DIXDC1: variants seen among roughly 807,000 people sequenced by gnomAD.
The protein encoded by DIXDC1 is DIX domain containing 1, also known as dixin.
Under a neutral mutation model 103.1 loss-of-function variants are expected in DIXDC1, and 64 were observed. The observed-to-expected ratio is 0.62, with a 90% CI of 0.51 to 0.76. The LOEUF (loss-of-function observed/expected upper bound fraction) is 0.76. Among genes scored for constraint, DIXDC1 ranks in the 30% least tolerant of loss-of-function variants. The pLI is 0.00. For synonymous variants in DIXDC1, 266 were observed against 298.5 expected, an observed-to-expected ratio of 0.89 and a Z score of 1.12; for missense variants, 759 against 834.2, an observed-to-expected ratio of 0.91 and a Z score of 1.11.
At chr11:111,941,093 C>T (rs1373932650) in intron 1 of DIXDC1, among the ~76,000 whole-genome samples, 4 of 152,100 alleles carry the variant, frequency 2.6e-5, no homozygotes, top group African/African-American at 4.8e-5. Flanking sequence ...GACCGCACTC[C>T]GGCTTAGATG....
intron 7 of DIXDC1, 80 bp from the exon 8 acceptor site, chr11:111,985,152 G>T: frequency 8.8e-7 from 1 of 1,130,354 alleles, no homozygotes; most frequent in East Asian, 2.5e-5. Context: ...TTTTAACTTG[G>T]GGTGAGCTTA....
At chr11:111,934,146 G>A (rs782802203), upstream of DIXDC1, among the ~76,000 whole-genome samples, 12 of 152,216 alleles carry the variant, frequency 7.9e-5, no homozygotes, top group Non-Finnish European at 1.8e-4. Context: ...TTGGGTCTGT[G>A]ACAAATTACT....
At chr11:112,003,618 G>A (rs1253124727) in intron 17 of DIXDC1, among the ~76,000 whole-genome samples, 4 of 151,838 alleles carry the variant, frequency 2.6e-5, no homozygotes, top group Admixed American at 2.6e-4. Flanking sequence ...GACCAACATG[G>A]AGAAACCCTG....
At chr11:111,961,424 GTC>G (rs1859574314) in intron 1 of DIXDC1, among the ~76,000 whole-genome samples, 1 of 152,148 alleles carries the variant, frequency 6.6e-6, no homozygotes, top group South Asian at 2.1e-4. Context: ...ACCGTTTTGT[GTC>G]TCTGTTTTCA....
chr11:112,007,937 G>A (rs782492156), intron 17 of DIXDC1, among the ~76,000 whole-genome samples: 2 of 152,162 alleles, frequency 1.3e-5, no homozygotes, highest in Admixed American at 6.5e-5. Context: ...CATAATGACA[G>A]GATCAAATTC....
intron 3 of DIXDC1, among the ~76,000 whole-genome samples, chr11:111,971,111 A>C (rs587605292): frequency 1.3e-5 from 2 of 152,370 alleles, no homozygotes; most frequent in South Asian, 4.1e-4. Flanking sequence ...CAACATAAAC[A>C]AAAATTGATA....
intron 1 of DIXDC1, among the ~76,000 whole-genome samples, chr11:111,946,470 C>G (rs1369333326): frequency 2.0e-5 from 3 of 152,108 alleles, no homozygotes; most frequent in African/African-American, 2.4e-5. Flanking sequence ...GCTATCTGCC[C>G]ACCTTGGCCT....
At chr11:111,988,945 G>T (rs1555174178) in intron 9 of DIXDC1, 60 bp from the exon 10 acceptor site, 2 of 1,419,224 alleles carry the variant, frequency 1.4e-6, no homozygotes, top group East Asian at 2.3e-5. Context: ...ACAGAATGAG[G>T]TAATGCATTC....
intron 1 of DIXDC1, 69 bp downstream of exon 1, chr11:111,937,628 G>A (rs1049468554): frequency 6.7e-7 from 1 of 1,489,234 alleles, no homozygotes; most frequent in Non-Finnish European, 9.1e-7. Flanking sequence ...CTCCGGAAGG[G>A]GTCCTCCTCC....
At chr11:111,968,704 A>T (rs2137519983) in intron 3 of DIXDC1, 66 bp downstream of exon 3, 1 of 1,458,484 alleles carries the variant, frequency 6.9e-7, no homozygotes, top group East Asian at 2.4e-5. Context: ...GCCTCAGGAA[A>T]ATCCTTGGCT....
intron 1 of DIXDC1, among the ~76,000 whole-genome samples, chr11:111,960,394 G>C (rs1294079926): frequency 6.6e-6 from 1 of 150,754 alleles, no homozygotes; most frequent in Non-Finnish European, 1.5e-5. Context: ...AGGAGTTCGA[G>C]ACCAGCCTGG....
intron 7 of DIXDC1, 24 bp downstream of exon 7, chr11:111,982,511 C>T (rs782508990): frequency 6.2e-6 from 10 of 1,607,146 alleles, no homozygotes; most frequent in African/African-American, 4.0e-5. Context: ...TTGTAGTTTG[C>T]CCTTGTTATA....
chr11:111,940,889 C>T (rs1592541007), intron 1 of DIXDC1, among the ~76,000 whole-genome samples: 1 of 152,162 alleles, frequency 6.6e-6, no homozygotes. Context: ...GTCACTGTGC[C>T]AGGCTCTGGA....
chr11:111,995,696 TG>T lies in DIXDC1; in HGVS notation c.1689+133del, dbSNP rs587689078. On this transcript the variant is annotated intron_variant, in intron 16 of 19. Transcript: ENST00000440460. ...AAAGGTTAGAGTTGTTTTTCTCTAT[TG>T]TTTTTTCTCTCAGTGGAACTGACTA... 2,734 of 1,194,394 alleles carry T rather than the reference TG, an allele frequency of 2.3e-3. 8 individuals carry two copies. The highest frequency in any genetic ancestry group is 2.8e-3 in the Non-Finnish European group (2,472 of 876,722). 74.0% of individuals were successfully genotyped at this position (1,194,394 alleles called of 1,614,324 possible).
intron 1 of DIXDC1, among the ~76,000 whole-genome samples, chr11:111,942,261 G>A (rs111896442): frequency 6.6e-6 from 1 of 152,154 alleles, no homozygotes; most frequent in African/African-American, 2.4e-5. Flanking sequence ...TGATGAGTTG[G>A]CCAGGCATGT....
chr11:111,966,172 CT>C, intron 2 of DIXDC1, among the ~76,000 whole-genome samples: 1 of 142,442 alleles, frequency 7.0e-6, no homozygotes, highest in South Asian at 2.2e-4. Context: ...AACCTAGGCC[CT>C]TTTTTTCCCA....
chr11:112,018,156 G>C (rs1489322447), intron 19 of DIXDC1, among the ~76,000 whole-genome samples: 3 of 152,196 alleles, frequency 2.0e-5, no homozygotes, highest in Non-Finnish European at 4.4e-5. Context: ...GGAAAATAAA[G>C]AACCTAAGAC....
In DIXDC1 at chr11:112,017,635, C is replaced by T. The variant is rs1316448780; in HGVS notation, c.1863-142C>T. ...GTTCTCCAGCCTCTGCTGTTTTAGT[C>T]ATCTGGGTTATCGGGGCAGTGACCT... is the stretch of plus-strand genomic sequence containing the variant. On this transcript the variant is annotated intron_variant, in intron 18 of 19. Coordinates refer to ENST00000440460, the MANE Select transcript of DIXDC1 (RefSeq NM_001037954.4). This position sits in a 1 kb window ranked among gnomAD's most constrained non-coding sequence, Gnocchi z 4.0. 3.5e-6 allele frequency: 2 copies of T among 574,372 alleles called. No homozygotes were observed. The highest frequency in any genetic ancestry group is 2.3e-5 in the South Asian group (1 of 43,772). 35.6% of individuals were successfully genotyped at this position (574,372 alleles called of 1,614,324 possible). A position where few individuals can be genotyped will look rare whatever the true frequency, so the allele number is the denominator to read the frequency against.
chr11:111,940,463 C>T (rs1966381593), intron 1 of DIXDC1, among the ~76,000 whole-genome samples: 1 of 152,148 alleles, frequency 6.6e-6, no homozygotes, highest in African/African-American at 2.4e-5. Flanking sequence ...TTTGTTTTCT[C>T]TGCTGCTTGA....
Sources: allele counts gnomAD v4.1 joint callset (sites outside exome capture counted in the v4.1 genomes callset), GRCh38; gene constraint gnomAD v4.1.1; non-coding constraint Gnocchi (gnomAD v3.1); transcripts MANE v1.5; gene names NCBI Gene and HGNC (gene_info 2026-07-23, HGNC 2026-07-21).